ZNF778: variants seen among roughly 807,000 people sequenced by gnomAD.
ZNF778 encodes the protein zinc finger protein 778.
In ZNF778, 37 loss-of-function variants were observed where a neutral mutation model predicts 23.9. That is an observed-to-expected ratio of 1.54 (90% CI 1.19 to 2.03). The LOEUF is 2.03. ZNF778 is among the 30% of genes most tolerant of loss of function. The probability of loss-of-function intolerance (pLI) is 0.00; values close to 1 mark genes in which losing one functional copy is unlikely to be tolerated. For missense variants in ZNF778, 1,297 were observed against 934.4 expected (o/e 1.39, Z -5.06); for synonymous variants, 483 against 343.9 (o/e 1.40, Z -4.48).
chr16:89,219,122 TAAA>T (rs552897641), intron 1 of ZNF778, among the ~76,000 whole-genome samples: 1 of 152,012 alleles, frequency 6.6e-6, no homozygotes, highest in Non-Finnish European at 1.5e-5. Context: ...AATAAAAAAA[TAAA>T]AAAATAAGAA....
chr16:89,233,248 A>G lies in ZNF778; in HGVS notation c.*4686A>G. ...CAACTCAGCTCGCTCTGCGTATGCA[A>G]CTCAGCTCGCTCTGCGTATGCAACT... On this transcript the variant is annotated 3_prime_UTR_variant, in exon 7 of 7. Transcript: ENST00000433976. 1 of 1,272,064 alleles carries G rather than the reference A, an allele frequency of 7.9e-7. No individual in the cohort carries two copies. Among genetic ancestry groups the G allele is most frequent in the East Asian group, 5.8e-5 (1 of 17,348 alleles). The allele number at this position is 1,272,064 out of a possible 1,614,324, so 78.8% of individuals were successfully genotyped here. A position where few individuals can be genotyped will look rare whatever the true frequency, so the allele number is the denominator to read the frequency against.
In ZNF778 at chr16:89,228,096, G is replaced by A. The variant is rs749122126; in HGVS notation, c.1808G>A (p.Ser603Asn). 6.2e-7 allele frequency: 1 copy of A among 1,612,994 alleles called. No homozygotes were observed. Among genetic ancestry groups the A allele is most frequent in the Admixed American group, 1.7e-5 (1 of 59,936 alleles). ...DCGKTFTVSSSLTEHIRTHTG... is the reference protein window; with the variant it reads ...DCGKTFTVSSNLTEHIRTHTG... Reference sequence around the variant, plus strand: ...GGGAAAACATTCACTGTTTCTTCGAGCCTAACCGAGCACATACGAACTCAC... The same window carrying A: ...GGGAAAACATTCACTGTTTCTTCGAACCTAACCGAGCACATACGAACTCAC... Residue 603 changes from serine to asparagine, a missense_variant, in exon 7 of 7, where the codon AGC (serine) becomes AAC (asparagine). By Grantham distance (46) the Ser-to-Asn change is conservative. Coordinates refer to ENST00000433976, the MANE Select transcript of ZNF778 (RefSeq NM_001201407.2).
intron 1 of ZNF778, among the ~76,000 whole-genome samples, chr16:89,219,220 A>G (rs1238047662): frequency 6.6e-6 from 1 of 152,250 alleles, no homozygotes; most frequent in Admixed American, 6.5e-5. Context: ...TTTGGGGACT[A>G]AGAGCCCTTC....
intron 1 of ZNF778, 52 bp from the exon 2 acceptor site, chr16:89,220,945 A>C: frequency 1.6e-6 from 1 of 625,948 alleles, no homozygotes; most frequent in East Asian, 2.8e-5. Flanking sequence ...AAACAAGCTA[A>C]TGCGTGAGGT....
In ZNF778 at chr16:89,233,851, C is replaced by T. The variant is rs2032147922; in HGVS notation, c.*5289C>T. 7.8e-7 allele frequency: 1 copy of T among 1,290,246 alleles called. No homozygotes were observed. The highest frequency in any genetic ancestry group is 1.5e-5 in the African/African-American group (1 of 66,020). 79.9% of individuals were successfully genotyped at this position (1,290,246 alleles called of 1,614,324 possible). On this transcript the variant is annotated 3_prime_UTR_variant, in exon 7 of 7. Coordinates refer to ENST00000433976, the MANE Select transcript of ZNF778 (RefSeq NM_001201407.2). ...GCAAGTACTTATTTCCGGCCACTTC[C>T]TTTTTCTAACTACCACACCAAGCCA...
At chr16:89,223,905 C>T (rs542394720) in intron 4 of ZNF778, among the ~76,000 whole-genome samples, 15 of 152,102 alleles carry the variant, frequency 9.9e-5, no homozygotes, top group African/African-American at 2.7e-4. Flanking sequence ...CCTGGCCGGG[C>T]GCGGTGGCTC....
intron 6 of ZNF778, among the ~76,000 whole-genome samples, chr16:89,225,860 G>A (rs1026485886): frequency 6.6e-6 from 1 of 151,884 alleles, no homozygotes; most frequent in East Asian, 1.9e-4. Context: ...TCTTGAGATC[G>A]CAGAGCTGTT....
In ZNF778 at chr16:89,223,217, G is replaced by C. The variant is rs2151631405; in HGVS notation, c.178G>C (p.Asp60His). The C allele has an allele frequency of 1.2e-6, 2 of 1,614,050 alleles. No individual in the cohort carries two copies. Among genetic ancestry groups the C allele is most frequent in the Non-Finnish European group, 1.7e-6 (2 of 1,179,988 alleles). The change falls in exon 4 of 7, where the codon GAC (aspartate) becomes CAC (histidine). Residue 60 changes from aspartate (D) to histidine (H), a missense_variant. By Grantham distance (81) the Asp-to-His change is moderately conservative. Coordinates refer to ENST00000433976, the MANE Select transcript of ZNF778 (RefSeq NM_001201407.2). Reference protein sequence around the residue: ...DFTQEEWTLLDPSQRDLYRDV... With the variant: ...DFTQEEWTLLHPSQRDLYRDV... ...CACCCAGGAGGAATGGACTTTACTG[G>C]ACCCATCTCAGAGAGACCTCTACAG...
intron 2 of ZNF778, 148 bp downstream of exon 2, chr16:89,221,300 A>G: frequency 4.5e-6 from 4 of 880,302 alleles, no homozygotes; most frequent in South Asian, 1.6e-5. Flanking sequence ...CTGACCTGTA[A>G]GTCAGCCCCA....
Position 89,236,385 on chromosome 16 carries a change from C to T in ZNF778, c.*7823C>T, listed in dbSNP as rs2032237155. ...GTTCTGAAATAAAAAGAAATGCCAA[C>T]CCAGATTGCTATATCCAACAAAATA... On this transcript the variant is annotated 3_prime_UTR_variant, in exon 7 of 7. Coordinates refer to ENST00000433976, the MANE Select transcript of ZNF778 (RefSeq NM_001201407.2). 1 of 152,052 alleles carries T rather than the reference C, an allele frequency of 6.6e-6. No individual in the cohort carries two copies. The highest frequency in any genetic ancestry group is 1.5e-5 in the Non-Finnish European group (1 of 68,026). The allele number at this position is 152,052 out of a possible 1,614,324, so 9.4% of individuals were successfully genotyped here. A position where few individuals can be genotyped will look rare whatever the true frequency, so the allele number is the denominator to read the frequency against.
rs1567496587 is a variant in ZNF778 at position 89,221,153 on chromosome 16, G to A, written c.25+1G>A. 1.9e-6 allele frequency: 3 copies of A among 1,562,604 alleles called. No individual in the cohort carries two copies. Among genetic ancestry groups the A allele is most frequent in the South Asian group, 2.4e-5 (2 of 84,726 alleles). On this transcript the variant is annotated splice_donor_variant, in intron 2 of 6. Coordinates refer to ENST00000433976, the MANE Select transcript of ZNF778 (RefSeq NM_001201407.2). LOFTEE classifies it high-confidence loss of function. ...ATGGCAGCCCCTGACCTGGCCCACG[G>A]TAAGTCCTGGTGGGGCTCCTTCTCA... is the stretch of plus-strand genomic sequence containing the variant.
rs1246788466 is a variant in ZNF778 at position 89,227,041 on chromosome 16, A to G, written c.753A>G (p.Glu251=). The change falls in exon 7 of 7, where the codon GAA becomes GAG. Residue 251 remains glutamate, a synonymous_variant. Transcript: ENST00000433976. ...QARAGSHNGE[E]TWKWKPCGKA... ...GTGCGGGAAGTCACAACGGAGAAGAAACATGGAAATGGAAGCCGTGTGGGA... is the reference window on the plus strand; with the variant it reads ...GTGCGGGAAGTCACAACGGAGAAGAGACATGGAAATGGAAGCCGTGTGGGA... 1 of 1,614,006 alleles carries G rather than the reference A, an allele frequency of 6.2e-7. No individual in the cohort carries two copies. The highest frequency in any genetic ancestry group is 8.5e-7 in the Non-Finnish European group (1 of 1,179,892).
chr16:89,223,345 G>A (rs2031155310), intron 4 of ZNF778, 62 bp downstream of exon 4: 4 of 1,600,354 alleles, frequency 2.5e-6, no homozygotes, highest in Admixed American at 1.8e-5. Flanking sequence ...TCCTTACTGT[G>A]TTCCAGGGTT....
chr16:89,220,054 G>A (rs1287418189), intron 1 of ZNF778, among the ~76,000 whole-genome samples: 2 of 152,214 alleles, frequency 1.3e-5, no homozygotes, highest in African/African-American at 4.8e-5. Flanking sequence ...GTGTATGAGT[G>A]CAGTCTGAGG....
chr16:89,219,932 A>G (rs1403942627), intron 1 of ZNF778, among the ~76,000 whole-genome samples: 1 of 152,252 alleles, frequency 6.6e-6, no homozygotes, highest in Non-Finnish European at 1.5e-5. Flanking sequence ...CTGAACTCGT[A>G]GAAACTATGG....
At chr16:89,221,192 A>G (rs1484665449) in intron 2 of ZNF778, 40 bp downstream of exon 2, 3 of 1,469,586 alleles carry the variant, frequency 2.0e-6, no homozygotes, top group Non-Finnish European at 2.7e-6. Context: ...CCTCTGCTCT[A>G]GGTCCTGATA....
rs772089152 is a variant in ZNF778, at chr16:89,225,537, A to T, written c.329-18A>T. ...CAATGAGTTTGATCGTTTTTAGGTC[A>T]TTCTTCTTTCTTTTCAGAATGGCGA... On this transcript the variant is annotated intron_variant, in intron 5 of 6. Transcript: ENST00000433976. The T allele has an allele frequency of 6.1e-6, 9 of 1,474,790 alleles. No homozygotes were observed. Among genetic ancestry groups the T allele is most frequent in the East Asian group, 2.4e-5 (1 of 40,898 alleles). 91.4% of individuals were successfully genotyped at this position (1,474,790 alleles called of 1,614,324 possible).
chr16:89,228,484 G>A lies in ZNF778; in HGVS notation c.2196G>A (p.Lys732=), dbSNP rs772438105. The A allele has an allele frequency of 6.2e-7, 1 of 1,610,908 alleles. No individual in the cohort carries two copies. The highest frequency in any genetic ancestry group is 8.5e-7 in the Non-Finnish European group (1 of 1,179,094). Residue 732 remains lysine, a synonymous_variant, in exon 7 of 7, where the codon AAG becomes AAA. Transcript: ENST00000433976. ...TYTEEQVFVC[K]DCGKSFKNSS... Reference sequence around the variant, plus strand: ...CTGAAGAGCAGGTTTTTGTATGTAAGGACTGTGGAAAATCTTTTAAGAATT... The same window carrying A: ...CTGAAGAGCAGGTTTTTGTATGTAAAGACTGTGGAAAATCTTTTAAGAATT...
intron 5 of ZNF778, 96 bp from the exon 6 acceptor site, chr16:89,225,459 A>C (rs1380076634): frequency 9.7e-7 from 1 of 1,035,022 alleles, no homozygotes; most frequent in East Asian, 2.7e-5. Flanking sequence ...AACTCCTTAA[A>C]TCTATCTTTG....
Sources: gnomAD v4.1 joint callset for allele counts (sites outside exome capture counted in the v4.1 genomes callset) on GRCh38, gnomAD v4.1.1 for gene constraint, MANE v1.5 for transcripts, NCBI Gene and HGNC (gene_info 2026-07-23, HGNC 2026-07-21) for gene names.